The following ADAMTS12 variants were observed in gnomAD, a reference collection of about 807,000 sequenced individuals.
ADAMTS12 encodes ADAM metallopeptidase with thrombospondin type 1 motif 12.
ADAMTS12 carries 118 observed loss-of-function variants against 167.8 expected under a neutral mutation model. The observed-to-expected ratio is 0.70, with a 90% CI of 0.61 to 0.82. ADAMTS12 has a LOEUF of 0.82. Among genes scored for constraint, ADAMTS12 ranks in the 40% least tolerant of loss-of-function variants. The pLI, the probability that ADAMTS12 is intolerant of heterozygous loss-of-function variation, is 0.00. For missense variants in ADAMTS12, 1,916 were observed against 1,998.8 expected (o/e 0.96, Z 0.79); for synonymous variants, 704 against 716.9 (o/e 0.98, Z 0.29).
intron 1 of ADAMTS12, 137 bp downstream of exon 1, chr5:33,891,593 C>T: frequency 1.5e-6 from 2 of 1,336,568 alleles, no homozygotes; most frequent in Admixed American, 2.2e-5. Context: ...AGGTCCCAGC[C>T]CAGATTTCCT....
chr5:33,802,460 AG>A (rs1381587413), intron 2 of ADAMTS12, among the ~76,000 whole-genome samples: 2 of 152,202 alleles, frequency 1.3e-5, no homozygotes, highest in Non-Finnish European at 2.9e-5. Context: ...TCATCATCAA[AG>A]ATGCCACTGC....
intron 3 of ADAMTS12, among the ~76,000 whole-genome samples, chr5:33,750,752 C>T (rs918947721): frequency 9.2e-5 from 14 of 152,314 alleles, no homozygotes; most frequent in Middle Eastern, 6.8e-3. Context: ...CAGTTTACTT[C>T]TGAAAACTAC....
At chr5:33,758,459 T>C (rs1373459022) in intron 2 of ADAMTS12, among the ~76,000 whole-genome samples, 2 of 152,122 alleles carry the variant, frequency 1.3e-5, no homozygotes, top group African/African-American at 4.8e-5. Flanking sequence ...GAAGTGAAGT[T>C]GATGGCAGGC....
intron 3 of ADAMTS12, among the ~76,000 whole-genome samples, chr5:33,688,739 GT>G (rs1206308073): frequency 6.6e-6 from 1 of 152,204 alleles, no homozygotes; most frequent in African/African-American, 2.4e-5. Context: ...CATGCCAGTA[GT>G]TTCCAGTGTG....
At chr5:33,787,026 A>C (rs1746355140) in intron 2 of ADAMTS12, among the ~76,000 whole-genome samples, 1 of 144,668 alleles carries the variant, frequency 6.9e-6, no homozygotes, top group African/African-American at 2.6e-5. Flanking sequence ...AAATAACCTA[A>C]GTGGATGCCT....
intron 20 of ADAMTS12, among the ~76,000 whole-genome samples, chr5:33,558,064 T>C (rs1745567242): frequency 6.6e-6 from 1 of 152,086 alleles, no homozygotes; most frequent in Non-Finnish European, 1.5e-5. Flanking sequence ...TGGTGAGTTT[T>C]ATAATTATTT....
chr5:33,719,291 G>C (rs182697272), intron 3 of ADAMTS12, among the ~76,000 whole-genome samples: 1 of 152,240 alleles, frequency 6.6e-6, no homozygotes, highest in Admixed American at 6.5e-5. Context: ...GTCATGAAGG[G>C]AGCGCTCTGG....
chr5:33,678,240 C>G (rs1248229240), intron 5 of ADAMTS12, among the ~76,000 whole-genome samples: 1 of 152,208 alleles, frequency 6.6e-6, no homozygotes, highest in African/African-American at 2.4e-5. Flanking sequence ...ACAAGGCCCA[C>G]AGCAACTTGG....
At chr5:33,738,493 C>T (rs1467195496) in intron 3 of ADAMTS12, among the ~76,000 whole-genome samples, 1 of 152,158 alleles carries the variant, frequency 6.6e-6, no homozygotes, top group Non-Finnish European at 1.5e-5. Flanking sequence ...GTTCTGAAGC[C>T]CCATGAAGAG....
chr5:33,821,575 T>C (rs1172602824), intron 2 of ADAMTS12, among the ~76,000 whole-genome samples: 1 of 152,206 alleles, frequency 6.6e-6, no homozygotes, highest in Non-Finnish European at 1.5e-5. Flanking sequence ...AACACTCTTG[T>C]CACGATCTTT....
chr5:33,756,135 T>C (rs16891671), intron 2 of ADAMTS12, among the ~76,000 whole-genome samples: 3,033 of 152,254 alleles, frequency 0.02, 104 homozygotes, highest in East Asian at 0.14. Context: ...CATTAACAAG[T>C]AGGGAAGGGA....
At chr5:33,594,768 C>T (rs1178127582) in intron 17 of ADAMTS12, among the ~76,000 whole-genome samples, 2 of 152,334 alleles carry the variant, frequency 1.3e-5, no homozygotes, top group South Asian at 2.1e-4. Context: ...AAATAAACCT[C>T]TCTCTCTGAG....
At chr5:33,820,689 G>A (rs1409156449) in intron 2 of ADAMTS12, among the ~76,000 whole-genome samples, 1 of 151,954 alleles carries the variant, frequency 6.6e-6, no homozygotes, top group African/African-American at 2.4e-5. Flanking sequence ...AATCTCATGC[G>A]ATCCTATTCA....
intron 7 of ADAMTS12, among the ~76,000 whole-genome samples, chr5:33,650,249 G>A (rs78638486): frequency 1.3e-5 from 2 of 152,146 alleles, no homozygotes; most frequent in Admixed American, 6.5e-5. Flanking sequence ...CAGATGATCT[G>A]TATTTGAACT....
chr5:33,637,807 A>C (rs369652431), intron 11 of ADAMTS12, 61 bp from the exon 12 acceptor site: 18 of 1,559,180 alleles, frequency 1.2e-5, no homozygotes, highest in African/African-American at 8.2e-5. Context: ...CTTTCCTTTA[A>C]AACTCCTCTG....
intron 2 of ADAMTS12, among the ~76,000 whole-genome samples, chr5:33,792,354 A>C (rs1266668771): frequency 6.6e-6 from 1 of 152,164 alleles, no homozygotes; most frequent in East Asian, 1.9e-4. Context: ...TATAGAGCCA[A>C]TTGCTTGATA....
chr5:33,663,147 C>A (rs1268305235), intron 5 of ADAMTS12, among the ~76,000 whole-genome samples: 1 of 152,250 alleles, frequency 6.6e-6, no homozygotes, highest in Non-Finnish European at 1.5e-5. Flanking sequence ...GGTGGCTCAT[C>A]ACGTGCTAAA....
intron 2 of ADAMTS12, among the ~76,000 whole-genome samples, chr5:33,781,842 C>A (rs1472505581): frequency 6.6e-6 from 1 of 151,524 alleles, no homozygotes; most frequent in Admixed American, 6.6e-5. Context: ...GCTATCCCTC[C>A]CCCCCGACCC....
chr5:33,863,963 C>T (rs1275132747), intron 2 of ADAMTS12, among the ~76,000 whole-genome samples: 1 of 152,112 alleles, frequency 6.6e-6, no homozygotes, highest in African/African-American at 2.4e-5. Context: ...GAAAGGATTC[C>T]CTATTTAACA....
Sources: gnomAD v4.1 joint callset for allele counts (sites outside exome capture counted in the v4.1 genomes callset) on GRCh38, gnomAD v4.1.1 for gene constraint, MANE v1.5 for transcripts, NCBI Gene and HGNC (gene_info 2026-07-23, HGNC 2026-07-21) for gene names.